Variants in MBNL1 observed in about 807,000 individuals in gnomAD.
MBNL1 encodes the protein muscleblind like splicing regulator 1, also known as muscleblind-like protein 1.
A neutral mutation model predicts 42.2 loss-of-function variants in MBNL1; 8 were observed. The ratio of observed to expected loss-of-function variants is 0.19; its 90% CI spans 0.11 to 0.34. The LOEUF (loss-of-function observed/expected upper bound fraction) is 0.34. Ranked by LOEUF, MBNL1 falls within the 10% of genes least tolerant of loss-of-function variation. The pLI is 1.00. For synonymous variants in MBNL1, 169 were observed against 173.9 expected (o/e 0.97, Z 0.22); for missense variants, 309 against 495.3 (o/e 0.62, Z 3.57).
intron 2 of MBNL1, among the ~76,000 whole-genome samples, chr3:152,374,615 G>GAAT: frequency 6.6e-6 from 1 of 152,284 alleles, no homozygotes; most frequent in East Asian, 1.9e-4. Flanking sequence ...GGCAGCATAC[G>GAAT]AATACCAGGA....
At chr3:152,300,469 A>C (rs1217523490) in intron 2 of MBNL1, 102 bp downstream of exon 2, 1 of 1,023,424 alleles carries the variant, frequency 9.8e-7, no homozygotes, top group Non-Finnish European at 1.4e-6. Flanking sequence ...CTTTGTTCAT[A>C]GTTTAGTTAT....
At chr3:152,317,095 A>C (rs2072268341) in intron 2 of MBNL1, among the ~76,000 whole-genome samples, 1 of 152,138 alleles carries the variant, frequency 6.6e-6, no homozygotes, top group African/African-American at 2.4e-5. Flanking sequence ...AAGCAAACAA[A>C]AAAAAGCTAC....
chr3:152,427,658 G>A (rs1039315986), intron 3 of MBNL1, among the ~76,000 whole-genome samples: 1 of 151,794 alleles, frequency 6.6e-6, no homozygotes, highest in Non-Finnish European at 1.5e-5. Context: ...ACTAGTTACA[G>A]GGTTATGCCT....
At chr3:152,349,700 C>T (rs2094713194) in intron 2 of MBNL1, among the ~76,000 whole-genome samples, 1 of 151,866 alleles carries the variant, frequency 6.6e-6, no homozygotes, top group Non-Finnish European at 1.5e-5. Flanking sequence ...AAAGATATTT[C>T]AGGAAAATTG....
chr3:152,261,369 C>T (rs1470923607), intron 2 of MBNL1, among the ~76,000 whole-genome samples: 1 of 152,114 alleles, frequency 6.6e-6, no homozygotes, highest in Non-Finnish European at 1.5e-5. Flanking sequence ...TTCATTACTC[C>T]TTTGCTTCAT....
chr3:152,334,187 TGAG>T (rs2152705349), intron 2 of MBNL1, among the ~76,000 whole-genome samples: 1 of 152,348 alleles, frequency 6.6e-6, no homozygotes, highest in East Asian at 1.9e-4. Context: ...GTTTTGCTAA[TGAG>T]GAGTGTTATT....
rs2059926479 is a variant in MBNL1 at position 152,299,459 on chromosome 3, G to A, written c.-735G>A. The A allele has an allele frequency of 2.7e-6, 1 of 374,068 alleles. No homozygotes were observed. The highest frequency in any genetic ancestry group is 1.5e-4 in the South Asian group (1 of 6,788). 23.2% of individuals were successfully genotyped at this position (374,068 alleles called of 1,614,324 possible). A position where few individuals can be genotyped will look rare whatever the true frequency, so the allele number is the denominator to read the frequency against. On this transcript the variant is annotated 5_prime_UTR_variant, in exon 2 of 10. Coordinates refer to ENST00000324210, the MANE Select transcript of MBNL1 (RefSeq NM_021038.5). ...TCTCTGCTGCTTGGAACCGCTTCTA[G>A]AGCAGTCTCTGCTTTTGCCTTGCTT...
chr3:152,383,291 T>C (rs1479538813), intron 2 of MBNL1, among the ~76,000 whole-genome samples: 6 of 151,916 alleles, frequency 3.9e-5, no homozygotes, highest in Non-Finnish European at 7.4e-5. Context: ...CCATGAGGAG[T>C]CTATATTTGA....
intron 2 of MBNL1, among the ~76,000 whole-genome samples, chr3:152,323,442 T>C (rs552236361): frequency 3.9e-5 from 6 of 152,112 alleles, no homozygotes; most frequent in Non-Finnish European, 8.8e-5. Context: ...TTAAAAAATA[T>C]ATATGTACAC....
In MBNL1 at chr3:152,269,049, A is replaced by C. The variant is rs1007395383; in HGVS notation, c.-833A>C. On this transcript the variant is annotated 5_prime_UTR_variant, in exon 1 of 10. Coordinates refer to ENST00000324210, the MANE Select transcript of MBNL1 (RefSeq NM_021038.5). ...TCATGACTCCCACAATGCCTTGGGCACTTGGTCGACAGTGGGGCCGCCTCT... is the reference window on the plus strand; with the variant it reads ...TCATGACTCCCACAATGCCTTGGGCCCTTGGTCGACAGTGGGGCCGCCTCT... The C allele has an allele frequency of 2.2e-6, 1 of 455,946 alleles. No individual in the cohort carries two copies. The allele number at this position is 455,946 out of a possible 1,614,324, so 28.2% of individuals were successfully genotyped here.
rs182543497 is a variant in MBNL1, at chr3:152,254,102, A to G, written n.333+9662A>G. On this transcript the variant is annotated intron_variant and non_coding_transcript_variant, in intron 2 of 2. Coordinates refer to the MBNL1 transcript ENST00000477171. Reference sequence around the variant, plus strand: ...TAAGTAAAAGGTCTCAACATTTCTGATAAGCATAATAGAAATAACTATCTT... The same window carrying G: ...TAAGTAAAAGGTCTCAACATTTCTGGTAAGCATAATAGAAATAACTATCTT... 9.9e-5 allele frequency among the ~76,000 whole-genome samples: 15 copies of G among 152,252 alleles called. No homozygotes were observed. The East Asian group carries it at 2.7e-3, about 27-fold the overall frequency.
chr3:152,367,717 G>C (rs149835694), intron 2 of MBNL1, among the ~76,000 whole-genome samples: 10,866 of 152,060 alleles, frequency 0.071, 509 homozygotes, highest in Middle Eastern at 0.16. Context: ...TAATGATTGC[G>C]ATTCTAACTG....
rs183657865 is a variant in MBNL1, at chr3:152,282,215, G to A, written c.-790+13123G>A. Among the ~76,000 whole-genome samples, 41 of 152,070 alleles carry A rather than the reference G, an allele frequency of 2.7e-4. No individual in the cohort carries two copies. The East Asian group carries it at 7.5e-3, about 28-fold the overall frequency. On this transcript the variant is annotated intron_variant, in intron 1 of 9. Transcript: ENST00000324210. ...GACCCTAATTAGAAACAAAATAAAGGTATTCTAATATACCTATGCAAATTT... is the reference window on the plus strand; with the variant it reads ...GACCCTAATTAGAAACAAAATAAAGATATTCTAATATACCTATGCAAATTT...
chr3:152,441,544 G>T (rs2099145907), intron 4 of MBNL1, among the ~76,000 whole-genome samples: 1 of 152,074 alleles, frequency 6.6e-6, no homozygotes, highest in African/African-American at 2.4e-5. Context: ...ACAAAAGAAG[G>T]TTTATTTAGA....
At chr3:152,256,244 G>A (rs1395481958) in intron 2 of MBNL1, among the ~76,000 whole-genome samples, 2 of 152,118 alleles carry the variant, frequency 1.3e-5, no homozygotes, top group Admixed American at 1.3e-4. Flanking sequence ...AAGTGAAAGG[G>A]GCTCAGGTAT....
intron 1 of MBNL1, among the ~76,000 whole-genome samples, chr3:152,280,379 A>G (rs2047716887): frequency 6.6e-6 from 1 of 152,176 alleles, no homozygotes. Flanking sequence ...ATTTATTAAA[A>G]TGATGTGATT....
chr3:152,349,551 C>A (rs1413203886), intron 2 of MBNL1, among the ~76,000 whole-genome samples: 1 of 151,992 alleles, frequency 6.6e-6, no homozygotes. Flanking sequence ...TTTACTCTTG[C>A]AACTAGAGGA....
chr3:152,260,505 C>G (rs982123975), intron 2 of MBNL1, among the ~76,000 whole-genome samples: 4 of 152,068 alleles, frequency 2.6e-5, no homozygotes, highest in African/African-American at 9.7e-5. Context: ...ATTGAATGTA[C>G]AGAATAGCTT....
intron 2 of MBNL1, among the ~76,000 whole-genome samples, chr3:152,322,993 A>G (rs2077297234): frequency 6.6e-6 from 1 of 152,144 alleles, no homozygotes; most frequent in Non-Finnish European, 1.5e-5. Flanking sequence ...AGCCAGATTC[A>G]GTAACAGGTC....
Sources: allele counts gnomAD v4.1 joint callset (sites outside exome capture counted in the v4.1 genomes callset), GRCh38; gene constraint gnomAD v4.1.1; transcripts MANE v1.5; gene names NCBI Gene and HGNC (gene_info 2026-07-23, HGNC 2026-07-21).